Variants in SMURF1 observed in about 807,000 individuals in gnomAD.
The protein encoded by SMURF1 is SMAD specific E3 ubiquitin protein ligase 1.
Under a neutral mutation model 98.0 loss-of-function variants are expected in SMURF1, and 44 were observed. That is an observed-to-expected ratio of 0.45 (90% CI 0.35 to 0.58). The LOEUF (loss-of-function observed/expected upper bound fraction) is 0.58. SMURF1 is among the 20% of genes least tolerant of loss of function. The pLI, the probability that SMURF1 is intolerant of heterozygous loss-of-function variation, is 0.00. For synonymous variants in SMURF1, 396 were observed against 374.9 expected, an observed-to-expected ratio of 1.06 and a Z score of -0.65; for missense variants, 687 against 938.4, an observed-to-expected ratio of 0.73 and a Z score of 3.50.
intron 3 of SMURF1, among the ~76,000 whole-genome samples, chr7:99,058,998 C>T (rs907514908): frequency 2.0e-5 from 3 of 152,172 alleles, no homozygotes; most frequent in African/African-American, 7.2e-5. Flanking sequence ...GATCGAGAAT[C>T]GCTTGAACCC....
At chr7:99,098,575 C>T (rs1237237584) in intron 1 of SMURF1, among the ~76,000 whole-genome samples, 1 of 152,080 alleles carries the variant, frequency 6.6e-6, no homozygotes, top group African/African-American at 2.4e-5. Flanking sequence ...ACCTTAGCTC[C>T]GTATTCACAA....
chr7:99,135,277 A>G (rs1387628909), intron 1 of SMURF1, among the ~76,000 whole-genome samples: 2 of 152,108 alleles, frequency 1.3e-5, no homozygotes, highest in Non-Finnish European at 2.9e-5. Context: ...AAAAGGGAGG[A>G]GATTAAATAT....
At chr7:99,143,596 C>A in intron 1 of SMURF1, 130 bp downstream of exon 1, 1 of 722,836 alleles carries the variant, frequency 1.4e-6, no homozygotes, top group Non-Finnish European at 2.1e-6. Context: ...GGGGCGCACG[C>A]CGAAGGGGGT....
intron 1 of SMURF1, among the ~76,000 whole-genome samples, chr7:99,072,511 C>T (rs976996114): frequency 1.3e-5 from 2 of 152,176 alleles, no homozygotes; most frequent in East Asian, 1.9e-4. Flanking sequence ...GGCGTGGTGG[C>T]GCAAGCCTAT....
chr7:99,052,057 C>G, intron 7 of SMURF1, 148 bp downstream of exon 7: 1 of 1,089,108 alleles, frequency 9.2e-7, no homozygotes. Context: ...ATCGCTTGAG[C>G]TAGGGAGGTC....
chr7:99,074,793 C>T (rs999679078), intron 1 of SMURF1, among the ~76,000 whole-genome samples: 1 of 152,116 alleles, frequency 6.6e-6, no homozygotes, highest in Non-Finnish European at 1.5e-5. Flanking sequence ...ACTGGGAAGC[C>T]AAGGTGGGAG....
intron 1 of SMURF1, among the ~76,000 whole-genome samples, chr7:99,108,627 A>AG: frequency 6.7e-6 from 1 of 148,706 alleles, no homozygotes; most frequent in Non-Finnish European, 1.5e-5. Flanking sequence ...AAAAAAAAAA[A>AG]AAAAAAAAGA....
intron 17 of SMURF1, chr7:99,030,947 G>A (rs1282185154): frequency 2.8e-6 from 1 of 353,776 alleles, no homozygotes; most frequent in Non-Finnish European, 5.2e-6. Flanking sequence ...TGAACCTCCT[G>A]CCTTGCCCTC....
intron 1 of SMURF1, among the ~76,000 whole-genome samples, chr7:99,130,824 C>T (rs1349051858): frequency 4.6e-5 from 7 of 152,176 alleles, no homozygotes; most frequent in Admixed American, 1.3e-4. Flanking sequence ...GGACTAACCC[C>T]CTGATTAGAT....
chr7:99,042,527 G>A (rs1370430764), intron 11 of SMURF1, among the ~76,000 whole-genome samples: 1 of 152,034 alleles, frequency 6.6e-6, no homozygotes, highest in East Asian at 1.9e-4. Flanking sequence ...CACCCATCTC[G>A]GCCTCCCAAA....
chr7:99,104,754 T>TAC (rs973074237), intron 1 of SMURF1, among the ~76,000 whole-genome samples: 25 of 152,218 alleles, frequency 1.6e-4, no homozygotes, highest in African/African-American at 5.1e-4. Flanking sequence ...TCTGCTATTA[T>TAC]ACAACAAGCA....
At chr7:99,034,404 G>A (rs1490862311) in intron 16 of SMURF1, among the ~76,000 whole-genome samples, 1 of 152,214 alleles carries the variant, frequency 6.6e-6, no homozygotes, top group Admixed American at 6.5e-5. Flanking sequence ...GGTTTAGCAT[G>A]TGGACCTGCT....
intron 1 of SMURF1, among the ~76,000 whole-genome samples, chr7:99,084,161 C>A (rs1796628927): frequency 6.6e-6 from 1 of 152,260 alleles, no homozygotes; most frequent in Non-Finnish European, 1.5e-5. Context: ...TATCTCCTCT[C>A]CAATGTCTAG....
chr7:99,042,041 G>T, intron 12 of SMURF1, 77 bp downstream of exon 12: 1 of 1,148,880 alleles, frequency 8.7e-7, no homozygotes, highest in South Asian at 1.3e-5. Flanking sequence ...ATAGACCAAG[G>T]ACTGAGAATG....
chr7:99,074,510 T>C (rs1027615160), intron 1 of SMURF1, among the ~76,000 whole-genome samples: 2 of 152,038 alleles, frequency 1.3e-5, no homozygotes, highest in African/African-American at 4.8e-5. Context: ...AGAATAATAA[T>C]AAGTCTCAAC....
intron 2 of SMURF1, 21 bp downstream of exon 2, chr7:99,061,778 A>G: frequency 6.3e-7 from 1 of 1,582,280 alleles, no homozygotes; most frequent in Non-Finnish European, 8.6e-7. Context: ...ATAAGAGGGA[A>G]AAAAATAAGT....
intron 1 of SMURF1, among the ~76,000 whole-genome samples, chr7:99,071,963 C>T (rs1450061183): frequency 6.6e-6 from 1 of 151,902 alleles, no homozygotes; most frequent in Non-Finnish European, 1.5e-5. Context: ...TACTCAGCAC[C>T]AGCTACTCAG....
intron 1 of SMURF1, among the ~76,000 whole-genome samples, chr7:99,063,212 CAAGA>C (rs2150545068): frequency 1.0e-5 from 1 of 97,950 alleles, no homozygotes; most frequent in South Asian, 3.2e-4. Flanking sequence ...TTTATATAGT[CAAGA>C]TATATATATA....
At chr7:99,046,361 C>T (rs1484777605) in intron 10 of SMURF1, among the ~76,000 whole-genome samples, 47 of 152,160 alleles carry the variant, frequency 3.1e-4, no homozygotes, top group Non-Finnish European at 2.9e-5. Flanking sequence ...GAAGCCGCTA[C>T]GTGTTTATAG....
Sources: gnomAD v4.1 joint callset for allele counts (sites outside exome capture counted in the v4.1 genomes callset) on GRCh38, gnomAD v4.1.1 for gene constraint, MANE v1.5 for transcripts, NCBI Gene and HGNC (gene_info 2026-07-23, HGNC 2026-07-21) for gene names.